The following HTRA1 variants were observed in gnomAD, a reference collection of about 807,000 sequenced individuals.
HTRA1 encodes HtrA serine peptidase 1.
Under a neutral mutation model 49.7 loss-of-function variants are expected in HTRA1, and 26 were observed. That is an observed-to-expected ratio of 0.52 (90% CI 0.38 to 0.73). HTRA1 has a LOEUF of 0.73. Ranked by LOEUF, HTRA1 falls within the 30% of genes least tolerant of loss-of-function variation. The pLI is 0.00. For missense variants in HTRA1, 561 were observed against 667.2 expected, an observed-to-expected ratio of 0.84 and a Z score of 1.75; for synonymous variants, 291 against 286.9, an observed-to-expected ratio of 1.01 and a Z score of -0.14.
intron 1 of HTRA1, among the ~76,000 whole-genome samples, chr10:122,472,306 A>G (rs1279882526): frequency 6.6e-6 from 1 of 151,298 alleles, no homozygotes; most frequent in Non-Finnish European, 1.5e-5. Flanking sequence ...AATCATATGA[A>G]AAATTAAGAA....
intron 3 of HTRA1, among the ~76,000 whole-genome samples, chr10:122,495,906 A>G (rs2097498376): frequency 6.6e-6 from 1 of 152,208 alleles, no homozygotes; most frequent in Non-Finnish European, 1.5e-5. Context: ...GTTGTTGTAA[A>G]TAAAGTTTTA....
At chr10:122,477,750 C>G (rs1591028175) in intron 1 of HTRA1, among the ~76,000 whole-genome samples, 2 of 152,194 alleles carry the variant, frequency 1.3e-5, no homozygotes, top group East Asian at 3.8e-4. Context: ...GTCTCCTGCA[C>G]GGTTACTTCT....
At chr10:122,507,680 A>G (rs1181008505) in intron 5 of HTRA1, among the ~76,000 whole-genome samples, 1 of 152,160 alleles carries the variant, frequency 6.6e-6, no homozygotes, top group Non-Finnish European at 1.5e-5. Context: ...AGTTACAGGT[A>G]AACACCGTGA....
Position 122,514,486 on chromosome 10 carries a change from C to T in HTRA1, c.*127C>T. 1 of 877,956 alleles carries T rather than the reference C, an allele frequency of 1.1e-6. No individual in the cohort carries two copies. Among genetic ancestry groups the T allele is most frequent in the South Asian group, 1.4e-5 (1 of 71,500 alleles). 54.4% of individuals were successfully genotyped at this position (877,956 alleles called of 1,614,324 possible). ...TGCCATTTTGTTTGTTCAGTGGAGA[C>T]TCCCTGGCCAACAGAATCCTTCTTG... On this transcript the variant is annotated 3_prime_UTR_variant, in exon 9 of 9. Transcript: ENST00000368984.
At chr10:122,479,626 C>G (rs904188101) in intron 1 of HTRA1, among the ~76,000 whole-genome samples, 1 of 152,006 alleles carries the variant, frequency 6.6e-6, no homozygotes, top group African/African-American at 2.4e-5. Context: ...ATGAGATCAT[C>G]CAGGCCGGAA....
At chr10:122,508,403 A>G (rs1209585916) in intron 5 of HTRA1, among the ~76,000 whole-genome samples, 2 of 152,246 alleles carry the variant, frequency 1.3e-5, no homozygotes, top group African/African-American at 4.8e-5. Flanking sequence ...TTTTGAAACT[A>G]TCTGTGCTTA....
At chr10:122,486,802 CTGTA>C (rs369390309) in intron 1 of HTRA1, among the ~76,000 whole-genome samples, 81 of 151,814 alleles carry the variant, frequency 5.3e-4, no homozygotes, top group African/African-American at 1.7e-3. Context: ...ATATGTGTGA[CTGTA>C]TGTATGTGCA....
intron 1 of HTRA1, among the ~76,000 whole-genome samples, 171 bp downstream of exon 1, chr10:122,462,295 C>T (rs2097481834): frequency 6.6e-6 from 1 of 152,254 alleles, no homozygotes; most frequent in South Asian, 2.1e-4. Context: ...CGGGCTGCCT[C>T]GGAACCGAGC....
rs7914462 is a variant in HTRA1, at chr10:122,469,408, G to T, written c.472+7284G>T. Among the ~76,000 whole-genome samples the T allele has an allele frequency of 9.3e-3, 1,418 of 152,334 alleles. 18 individuals carry two copies. Among genetic ancestry groups the T allele is most frequent in the African/African-American group, 0.033 (1,368 of 41,582 alleles). On this transcript the variant is annotated intron_variant, in intron 1 of 8. Coordinates refer to ENST00000368984, the MANE Select transcript of HTRA1 (RefSeq NM_002775.5). The stretch of plus-strand genomic sequence containing the variant: ...GATGGAGACGGATGGACACAGTTGG[G>T]ATTGCCCAGGCAGATGGGCAATCTT...
chr10:122,510,385 C>T (rs757456007), intron 7 of HTRA1, among the ~76,000 whole-genome samples: 2 of 152,200 alleles, frequency 1.3e-5, no homozygotes, highest in Non-Finnish European at 2.9e-5. Context: ...GCAGCAGGCC[C>T]TCCGGTGTAG....
intron 1 of HTRA1, among the ~76,000 whole-genome samples, chr10:122,485,845 T>C (rs2097492870): frequency 6.6e-6 from 1 of 152,242 alleles, no homozygotes; most frequent in Non-Finnish European, 1.5e-5. Context: ...TGAGAGTTTC[T>C]GAAACACCAC....
intron 5 of HTRA1, 126 bp downstream of exon 5, chr10:122,507,528 G>A (rs573721162): frequency 9.1e-6 from 7 of 765,746 alleles, no homozygotes; most frequent in South Asian, 7.3e-5. Context: ...GGTTGCCAAA[G>A]TGTATTATAA....
intron 1 of HTRA1, among the ~76,000 whole-genome samples, chr10:122,463,728 C>T (rs188513990): frequency 2.6e-5 from 4 of 152,326 alleles, no homozygotes; most frequent in South Asian, 2.1e-4. Context: ...GGTCATTCAG[C>T]TGGAATTTAA....
chr10:122,489,647 A>T (rs1403941460), intron 3 of HTRA1, 21 bp downstream of exon 3: 1 of 1,606,996 alleles, frequency 6.2e-7, no homozygotes, highest in Non-Finnish European at 8.5e-7. Flanking sequence ...TCTCGCCTGC[A>T]GAGGTGAGTT....
chr10:122,484,188 G>T (rs1191793421), intron 1 of HTRA1, among the ~76,000 whole-genome samples: 1 of 152,152 alleles, frequency 6.6e-6, no homozygotes, highest in East Asian at 1.9e-4. Context: ...CTCAGTTCTG[G>T]CTTAACAGAA....
chr10:122,462,563 C>T (rs572581130), intron 1 of HTRA1, among the ~76,000 whole-genome samples: 1 of 152,386 alleles, frequency 6.6e-6, no homozygotes, highest in South Asian at 2.1e-4. Flanking sequence ...TTTACGTCCT[C>T]CGTCCCCTTT....
At chr10:122,488,597 G>A (rs1256189955) in intron 1 of HTRA1, among the ~76,000 whole-genome samples, 1 of 152,100 alleles carries the variant, frequency 6.6e-6, no homozygotes, top group Non-Finnish European at 1.5e-5. Context: ...ACAAACTTGG[G>A]CCATCAGCTT....
At chr10:122,468,537 C>A (rs1266715516) in intron 1 of HTRA1, among the ~76,000 whole-genome samples, 1 of 152,058 alleles carries the variant, frequency 6.6e-6, no homozygotes, top group Non-Finnish European at 1.5e-5. Flanking sequence ...GTTAGGAAAT[C>A]TTCACAGAGA....
At chr10:122,478,718 C>G (rs905543839) in intron 1 of HTRA1, among the ~76,000 whole-genome samples, 1 of 152,136 alleles carries the variant, frequency 6.6e-6, no homozygotes, top group Non-Finnish European at 1.5e-5. Context: ...GGCAGCATCT[C>G]CAGTGGCACC....
Sources: allele counts gnomAD v4.1 joint callset (sites outside exome capture counted in the v4.1 genomes callset), GRCh38; gene constraint gnomAD v4.1.1; transcripts MANE v1.5; gene names NCBI Gene and HGNC (gene_info 2026-07-23, HGNC 2026-07-21).